Variants in GRID2 observed in about 807,000 individuals in gnomAD.
The protein encoded by GRID2 is glutamate receptor ionotropic, delta-2.
In GRID2, 33 loss-of-function variants were observed where a neutral mutation model predicts 114.8. That is an observed-to-expected ratio of 0.29 (90% CI 0.22 to 0.38). The LOEUF is 0.38. Among genes scored for constraint, GRID2 ranks in the 10% least tolerant of loss-of-function variants. The pLI is 1.00. For missense variants in GRID2, 1,184 were observed against 1,257.7 expected, an observed-to-expected ratio of 0.94 and a Z score of 0.89; for synonymous variants, 505 against 449.9, an observed-to-expected ratio of 1.12 and a Z score of -1.55.
intron 13 of GRID2, among the ~76,000 whole-genome samples, chr4:93,565,148 A>T (rs568950211): frequency 6.6e-6 from 1 of 152,170 alleles, no homozygotes; most frequent in Admixed American, 6.5e-5. Flanking sequence ...TCTTAAAAGT[A>T]TAACAATAGC....
intron 12 of GRID2, among the ~76,000 whole-genome samples, chr4:93,508,180 G>A (rs889150708): frequency 2.0e-5 from 3 of 148,294 alleles, no homozygotes; most frequent in African/African-American, 2.5e-5. Flanking sequence ...AAAAGTTTTA[G>A]ATTTTTTATT....
At chr4:93,623,558 C>T (rs1742410201) in intron 13 of GRID2, among the ~76,000 whole-genome samples, 1 of 152,160 alleles carries the variant, frequency 6.6e-6, no homozygotes, top group African/African-American at 2.4e-5. Flanking sequence ...CAGCACTATT[C>T]ACAATAGCAA....
intron 2 of GRID2, among the ~76,000 whole-genome samples, chr4:92,848,462 G>A (rs979686563): frequency 2.6e-5 from 4 of 151,764 alleles, no homozygotes; most frequent in African/African-American, 9.7e-5. Context: ...CTAAAGAAAG[G>A]CTTTCTCTAT....
chr4:93,203,659 A>G (rs1013562870), intron 4 of GRID2, among the ~76,000 whole-genome samples: 1 of 152,218 alleles, frequency 6.6e-6, no homozygotes, highest in Non-Finnish European at 1.5e-5. Flanking sequence ...AATGCTTTGC[A>G]TTAAAGATAA....
intron 1 of GRID2, among the ~76,000 whole-genome samples, chr4:92,316,394 A>G (rs1170809595): frequency 6.6e-6 from 1 of 152,180 alleles, no homozygotes; most frequent in Non-Finnish European, 1.5e-5. Context: ...CTTGTGGTGT[A>G]GTCATGGTGA....
At chr4:93,407,365 C>A (rs1198486924) in intron 9 of GRID2, among the ~76,000 whole-genome samples, 4 of 147,124 alleles carry the variant, frequency 2.7e-5, no homozygotes, top group Non-Finnish European at 1.5e-5. Flanking sequence ...ACCCACCATA[C>A]TGCATGGAAG....
rs534340607 is a variant in GRID2, at chr4:92,464,551, C to T, written c.89-125580C>T. On this transcript the variant is annotated intron_variant, in intron 1 of 15. Transcript: ENST00000282020. ...AATAATATAACGCCTGCTAATATTT[C>T]GAGTGAGTTTTAAGACTTTCAAAAA... Among the ~76,000 whole-genome samples the T allele has an allele frequency of 3.1e-3, 468 of 151,778 alleles. 4 individuals carry two copies. The highest frequency in any genetic ancestry group is 0.011 in the African/African-American group (448 of 41,412).
intron 12 of GRID2, among the ~76,000 whole-genome samples, chr4:93,510,996 GCA>G (rs1260960614): frequency 6.6e-6 from 1 of 152,056 alleles, no homozygotes; most frequent in Non-Finnish European, 1.5e-5. Flanking sequence ...GAGTGCGGTG[GCA>G]CAGTCTCAGC....
chr4:92,687,416 C>T (rs965447650), intron 2 of GRID2, among the ~76,000 whole-genome samples: 4 of 152,010 alleles, frequency 2.6e-5, no homozygotes, highest in African/African-American at 9.7e-5. Context: ...TGCAATAAAG[C>T]AATTCACACA....
At chr4:92,624,985 A>C (rs1287895897) in intron 2 of GRID2, among the ~76,000 whole-genome samples, 2 of 151,774 alleles carry the variant, frequency 1.3e-5, no homozygotes, top group Non-Finnish European at 2.9e-5. Flanking sequence ...AAATTTTTCA[A>C]GTTAACTTAA....
chr4:93,531,363 A>G (rs1202569918), intron 13 of GRID2, among the ~76,000 whole-genome samples: 1 of 152,114 alleles, frequency 6.6e-6, no homozygotes, highest in Non-Finnish European at 1.5e-5. Flanking sequence ...TTGATATTTT[A>G]TAATGGATTT....
chr4:92,913,890 T>C (rs1489500361), intron 2 of GRID2, among the ~76,000 whole-genome samples: 1 of 152,006 alleles, frequency 6.6e-6, no homozygotes, highest in Non-Finnish European at 1.5e-5. Flanking sequence ...TTTTCAAACA[T>C]TCATTAGAAG....
At chr4:93,282,328 A>G (rs1752732604) in intron 8 of GRID2, 1 of 418,212 alleles carries the variant, frequency 2.4e-6, no homozygotes, top group African/African-American at 2.1e-5. Context: ...CTATGACAGA[A>G]TACCAGAGAT....
chr4:93,699,461 C>T (rs979917121), intron 14 of GRID2, among the ~76,000 whole-genome samples: 1 of 152,070 alleles, frequency 6.6e-6, no homozygotes, highest in African/African-American at 2.4e-5. Context: ...AGTTGTTATG[C>T]AAGAACTATG....
chr4:92,366,383 C>A (rs530765066), intron 1 of GRID2, among the ~76,000 whole-genome samples: 1 of 152,032 alleles, frequency 6.6e-6, no homozygotes, highest in South Asian at 2.1e-4. Flanking sequence ...ATTATCTAAA[C>A]CTATTTTGTG....
At chr4:93,581,702 A>G (rs773751551) in intron 13 of GRID2, among the ~76,000 whole-genome samples, 1 of 152,178 alleles carries the variant, frequency 6.6e-6, no homozygotes, top group Non-Finnish European at 1.5e-5. Context: ...TCTGCTAATT[A>G]ACTCAGAACT....
chr4:92,941,523 C>T (rs955762060), intron 2 of GRID2, among the ~76,000 whole-genome samples: 1 of 152,106 alleles, frequency 6.6e-6, no homozygotes, highest in African/African-American at 2.4e-5. Flanking sequence ...AAACCAGCTC[C>T]TGGATTCATT....
intron 2 of GRID2, among the ~76,000 whole-genome samples, chr4:92,919,859 G>C (rs571512070): frequency 6.6e-5 from 10 of 152,246 alleles, no homozygotes; most frequent in South Asian, 2.1e-4. Context: ...CTGTAGATGT[G>C]TATTAGGTCC....
intron 2 of GRID2, among the ~76,000 whole-genome samples, chr4:92,695,325 TTTTTTATATCTCCTC>T (rs1734375156): frequency 6.6e-6 from 1 of 152,144 alleles, no homozygotes; most frequent in Non-Finnish European, 1.5e-5. Flanking sequence ...AATTTTAGTT[TTTTTTATATCTCCTC>T]TTTTTATTCT....
Sources: allele counts gnomAD v4.1 joint callset (sites outside exome capture counted in the v4.1 genomes callset), GRCh38; gene constraint gnomAD v4.1.1; transcripts MANE v1.5; gene names NCBI Gene and HGNC (gene_info 2026-07-23, HGNC 2026-07-21).